TYW1B: variants seen among roughly 807,000 people sequenced by gnomAD.
The protein encoded by TYW1B is tRNA-yW synthesizing protein 1 homolog B.
TYW1B carries 73 observed loss-of-function variants against 86.9 expected under a neutral mutation model. That is an observed-to-expected ratio of 0.84 (90% CI 0.70 to 1.02). TYW1B has a LOEUF of 1.02. Ranked by LOEUF, TYW1B falls within the 50% of genes least tolerant of loss-of-function variation. The pLI, the probability that TYW1B is intolerant of heterozygous loss-of-function variation, is 0.00. For missense variants in TYW1B, 637 were observed against 827.4 expected (o/e 0.77, Z 2.82); for synonymous variants, 248 against 292.8 (o/e 0.85, Z 1.56).
chr7:72,688,436 T>C (rs1413880213), intron 11 of TYW1B, among the ~76,000 whole-genome samples: 3 of 152,228 alleles, frequency 2.0e-5, no homozygotes, highest in African/African-American at 7.2e-5. Context: ...GACATAGTAA[T>C]TAAAGACCAA....
chr7:72,750,559 C>T (rs957797508), intron 7 of TYW1B, among the ~76,000 whole-genome samples: 5 of 151,978 alleles, frequency 3.3e-5, no homozygotes, highest in African/African-American at 7.3e-5. Flanking sequence ...TGGTTTTATC[C>T]TGTTTGGGGT....
Position 72,575,211 on chromosome 7 carries a change from C to T in TYW1B, c.*287G>A. The stretch of plus-strand genomic sequence containing the variant: ...GGTCTTAGAAGTTATAATACAAAAC[C>T]ATCAGTTAAATTCTAATCACGACTG... On this transcript the variant is annotated 3_prime_UTR_variant, in exon 14 of 14. Coordinates refer to ENST00000620995, the MANE Select transcript of TYW1B (RefSeq NM_001145440.3). 8.2e-7 allele frequency: 1 copy of T among 1,225,624 alleles called. No individual in the cohort carries two copies. Among genetic ancestry groups the T allele is most frequent in the Non-Finnish European group, 1.0e-6 (1 of 978,114 alleles). The allele number at this position is 1,225,624 out of a possible 1,614,324, so 75.9% of individuals were successfully genotyped here. A position where few individuals can be genotyped will look rare whatever the true frequency, so the allele number is the denominator to read the frequency against.
rs532974945 is a variant in TYW1B, at chr7:72,682,740, G to A, written c.1506+11947C>T. Among the ~76,000 whole-genome samples the A allele has an allele frequency of 3.3e-5, 5 of 152,240 alleles. 1 individual carries two copies. In the East Asian group the frequency reaches 9.6e-4, roughly 29 times the overall value. On this transcript the variant is annotated intron_variant, in intron 11 of 13. Coordinates refer to ENST00000620995, the MANE Select transcript of TYW1B (RefSeq NM_001145440.3). ...AAACCTGCTGTCCCCATAATTGGAG[G>A]GAAAAACAGGCAGGCACAGAGAATC... is the stretch of plus-strand genomic sequence containing the variant.
Position 72,726,659 on chromosome 7 carries a change from G to A in TYW1B, c.1192+2163C>T, listed in dbSNP as rs184211902. The stretch of plus-strand genomic sequence containing the variant: ...GATTACAAGCGTGAGGCACCGTGCC[G>A]AGCCTACTGAATAATTATCTTTTAT... On this transcript the variant is annotated intron_variant, in intron 9 of 13. Transcript: ENST00000620995. Among the ~76,000 whole-genome samples, 510 of 152,114 alleles carry A rather than the reference G, an allele frequency of 3.4e-3. 3 individuals carry two copies. Among genetic ancestry groups the A allele is most frequent in the Non-Finnish European group, 5.9e-3 (401 of 67,988 alleles).
rs1474454314 is a variant in TYW1B at position 72,702,982 on chromosome 7, CTATCTATA to C, written c.1371-8168_1371-8161del. 1.6e-3 allele frequency among the ~76,000 whole-genome samples: 16 copies of C among 10,160 alleles called. 1 individual carries two copies. Among genetic ancestry groups the C allele is most frequent in the African/African-American group, 6.7e-3 (15 of 2,234 alleles). 6.7% of individuals were successfully genotyped at this position (10,160 alleles called of 152,430 possible). On this transcript the variant is annotated intron_variant, in intron 10 of 13. Transcript: ENST00000620995. The stretch of plus-strand genomic sequence containing the variant: ...TATCTATCATCATTCATCTATCTAT[CTATCTATA>C]TATATATATATATATATATATATAT...
At chr7:72,616,955 A>G in intron 12 of TYW1B, 116 bp from the exon 13 acceptor site, 2 of 1,362,268 alleles carry the variant, frequency 1.5e-6, no homozygotes, top group Non-Finnish European at 2.0e-6. Context: ...TCCGTATTTT[A>G]CAGTGAAGGA....
At chr7:72,787,939 C>T (rs1296565210) in intron 6 of TYW1B, among the ~76,000 whole-genome samples, 2 of 151,272 alleles carry the variant, frequency 1.3e-5, no homozygotes, top group Non-Finnish European at 2.9e-5. Flanking sequence ...GTTATAATCT[C>T]GCTGGACCAG....
intron 11 of TYW1B, among the ~76,000 whole-genome samples, chr7:72,693,231 T>C (rs1431701499): frequency 6.6e-6 from 1 of 151,950 alleles, no homozygotes; most frequent in Non-Finnish European, 1.5e-5. Flanking sequence ...ATGATTACTT[T>C]AGGTGAAAAA....
At chr7:72,675,539 G>GTATATA (rs57288719) in intron 11 of TYW1B, among the ~76,000 whole-genome samples, 76,728 of 144,050 alleles carry the variant, frequency 0.53, 20,598 homozygotes, top group Middle Eastern at 0.61. Context: ...AGTGATGTCA[G>GTATATA]TATATATATA....
At chr7:72,672,221 G>C (rs1278849331) in intron 11 of TYW1B, among the ~76,000 whole-genome samples, 1 of 151,884 alleles carries the variant, frequency 6.6e-6, no homozygotes, top group Non-Finnish European at 1.5e-5. Context: ...ATGATTGGGA[G>C]GCTTCTCCAG....
intron 11 of TYW1B, among the ~76,000 whole-genome samples, chr7:72,649,331 A>G (rs1813007029): frequency 6.6e-6 from 1 of 152,228 alleles, no homozygotes; most frequent in African/African-American, 2.4e-5. Flanking sequence ...ATCTGAGAGA[A>G]GAGCTTTCTG....
At chr7:72,797,592 C>G (rs1788326121) in intron 6 of TYW1B, among the ~76,000 whole-genome samples, 2 of 152,140 alleles carry the variant, frequency 1.3e-5, no homozygotes, top group South Asian at 2.1e-4. Flanking sequence ...TGGTGTATGT[C>G]CATAGTCCCA....
In TYW1B at chr7:72,740,467, CTTTTT is replaced by C. The variant is rs370164283; in HGVS notation, c.1082+4012_1082+4016del. The stretch of plus-strand genomic sequence containing the variant: ...GTCAATCTGCAAAGACTGGGAGAAG[CTTTTT>C]TTTTTTTTTTTTTCTCCAATTTTTT... On this transcript the variant is annotated intron_variant, in intron 8 of 13. Transcript: ENST00000620995. Among the ~76,000 whole-genome samples the C allele has an allele frequency of 2.4e-4, 28 of 116,674 alleles. 1 individual carries two copies. In the South Asian group the frequency reaches 7.7e-3, roughly 32 times the overall value. 76.5% of individuals were successfully genotyped at this position (116,674 alleles called of 152,430 possible).
chr7:72,632,400 AATATATATATACATATATATATAAAAT>A (rs1181208674), intron 11 of TYW1B, among the ~76,000 whole-genome samples: 4 of 81,738 alleles, frequency 4.9e-5, no homozygotes, highest in African/African-American at 3.5e-4. Flanking sequence ...ATATATATAT[AATATATATATACATATATATATAAAAT>A]ATATATATAC....
rs782445278 is a variant in TYW1B at position 72,616,808 on chromosome 7, C to T, written c.1649G>A (p.Ser550Asn). The change falls in exon 13 of 14, where the codon AGC becomes AAC. Residue 550 changes from serine (S) to asparagine (N), a missense_variant. Coordinates refer to ENST00000620995, the MANE Select transcript of TYW1B (RefSeq NM_001145440.3). ...GGGCACATGGGCCATGGTAAGACTGCTTGCTGAACTTTCTCTGCAGTAGGT... is the reference window on the plus strand; with the variant it reads ...GGGCACATGGGCCATGGTAAGACTGTTTGCTGAACTTTCTCTGCAGTAGGT... The part of the protein sequence containing the change: ...GVTYCRESSA[S>N]SLTMAHVPWH... 1.2e-6 allele frequency: 2 copies of T among 1,614,068 alleles called. No individual in the cohort carries two copies. Among genetic ancestry groups the T allele is most frequent in the African/African-American group, 2.7e-5 (2 of 74,922 alleles).
chr7:72,811,931 AAAAAG>A (rs1432010892), intron 3 of TYW1B, among the ~76,000 whole-genome samples: 9,607 of 149,234 alleles, frequency 0.064, 613 homozygotes, highest in East Asian at 0.33. Flanking sequence ...AAAAAAAAAA[AAAAAG>A]GAAAAGAAAA....
At chr7:72,589,602 C>A (rs1554431062) in intron 13 of TYW1B, among the ~76,000 whole-genome samples, 1 of 152,136 alleles carries the variant, frequency 6.6e-6, no homozygotes, top group African/African-American at 2.4e-5. Context: ...ATCGGCCGGG[C>A]ATGGTGGCTC....
At chr7:72,820,283 A>G (rs1788805002) in intron 2 of TYW1B, among the ~76,000 whole-genome samples, 4 of 152,058 alleles carry the variant, frequency 2.6e-5, no homozygotes, top group African/African-American at 9.7e-5. Flanking sequence ...TCAAAAAAGA[A>G]AACAAGAAAT....
In TYW1B at chr7:72,662,631, C is replaced by T. The variant is rs2844189; in HGVS notation, c.1506+32056G>A. ...TTTCTAACAGGCAAAACACATTTTTCCCCCCAGTGTGTGGAAGGGAAGGTG... is the reference window on the plus strand; with the variant it reads ...TTTCTAACAGGCAAAACACATTTTTTCCCCCAGTGTGTGGAAGGGAAGGTG... On this transcript the variant is annotated intron_variant, in intron 11 of 13. Coordinates refer to ENST00000620995, the MANE Select transcript of TYW1B (RefSeq NM_001145440.3). Among the ~76,000 whole-genome samples, 1,142 of 151,144 alleles carry T rather than the reference C, an allele frequency of 7.6e-3. 9 individuals are homozygous for T. The highest frequency in any genetic ancestry group is 0.012 in the Non-Finnish European group (822 of 67,692).
Sources: gnomAD v4.1 joint callset for allele counts (sites outside exome capture counted in the v4.1 genomes callset) on GRCh38, gnomAD v4.1.1 for gene constraint, MANE v1.5 for transcripts, NCBI Gene and HGNC (gene_info 2026-07-23, HGNC 2026-07-21) for gene names.